The following LINGO2 variants were observed in gnomAD, a reference collection of about 807,000 sequenced individuals.
LINGO2 encodes leucine rich repeat and Ig domain containing 2.
Under a neutral mutation model 30.6 loss-of-function variants are expected in LINGO2, and 14 were observed. The ratio of observed to expected loss-of-function variants is 0.46; its 90% CI spans 0.30 to 0.72. The LOEUF (loss-of-function observed/expected upper bound fraction) is 0.72. Ranked by LOEUF, LINGO2 falls within the 30% of genes least tolerant of loss-of-function variation. The pLI, the probability that LINGO2 is intolerant of heterozygous loss-of-function variation, is 0.07. For missense variants in LINGO2, 729 were observed against 751.7 expected, an observed-to-expected ratio of 0.97 and a Z score of 0.35; for synonymous variants, 317 against 288.5, an observed-to-expected ratio of 1.10 and a Z score of -1.00.
the LINGO2 span, among the ~76,000 whole-genome samples, chr9:28,716,691 A>T: frequency 6.6e-6 from 1 of 152,124 alleles, no homozygotes; most frequent in Admixed American, 6.6e-5. Flanking sequence ...TTTCTGGTAG[A>T]TAAGACAGAA....
At chr9:28,523,907 T>A (rs943698711) in intron 1 of LINGO2, among the ~76,000 whole-genome samples, 1 of 151,796 alleles carries the variant, frequency 6.6e-6, no homozygotes, top group Non-Finnish European at 1.5e-5. Flanking sequence ...TTTTTTTTTT[T>A]AATTCAAAAT....
At chr9:28,861,136 A>G in the LINGO2 span, among the ~76,000 whole-genome samples, 933 of 113,010 alleles carry the variant, frequency 8.3e-3, 7 homozygotes, top group East Asian at 0.038. Context: ...AATTATATAA[A>G]TTTTTATATA....
At position 28,562,457 on chromosome 9, in the gene LINGO2, C is replaced by CAAAAAAA. The variant is rs56998877; in HGVS notation, c.-364-86439_-364-86433dup. The stretch of plus-strand genomic sequence containing the variant: ...GAAATAAGCAATGTGCATTTACTTT[C>CAAAAAAA]AAAAAAAAAAAAAAAAAACAGAAAA... On this transcript the variant is annotated intron_variant, in intron 1 of 5. Transcript: ENST00000379992. Among the ~76,000 whole-genome samples, 733 of 109,064 alleles carry CAAAAAAA rather than the reference C, an allele frequency of 6.7e-3. 24 individuals carry two copies. The highest frequency in any genetic ancestry group is 0.012 in the African/African-American group (326 of 26,998). The allele number at this position is 109,064 out of a possible 152,430, so 71.6% of individuals were successfully genotyped here. A position where few individuals can be genotyped will look rare whatever the true frequency, so the allele number is the denominator to read the frequency against.
At chr9:28,420,294 C>G (rs1354916216) in intron 2 of LINGO2, among the ~76,000 whole-genome samples, 1 of 152,018 alleles carries the variant, frequency 6.6e-6, no homozygotes, top group Non-Finnish European at 1.5e-5. Flanking sequence ...ATTACAAGGT[C>G]AATTTTAGAA....
chr9:28,811,619 A>G, the LINGO2 span, among the ~76,000 whole-genome samples: 2 of 152,126 alleles, frequency 1.3e-5, no homozygotes, highest in Admixed American at 6.5e-5. Context: ...CCTCAACCAA[A>G]CTATACTAAT....
intron 1 of LINGO2, among the ~76,000 whole-genome samples, chr9:28,536,988 G>T (rs73644059): frequency 1.9e-3 from 288 of 152,114 alleles, no homozygotes; most frequent in African/African-American, 6.7e-3. Flanking sequence ...AACAGAATGG[G>T]CCTCTAATTC....
At chr9:27,972,408 G>A (rs1820399376) in intron 5 of LINGO2, among the ~76,000 whole-genome samples, 5 of 152,126 alleles carry the variant, frequency 3.3e-5, no homozygotes, top group Admixed American at 3.3e-4. Flanking sequence ...ATTTAACAAG[G>A]GAGAGTTTCC....
At chr9:28,973,438 CAA>C in the LINGO2 span, among the ~76,000 whole-genome samples, 1 of 152,126 alleles carries the variant, frequency 6.6e-6, no homozygotes, top group African/African-American at 2.4e-5. Context: ...CCCCACATGT[CAA>C]AGACAGGGCC....
the LINGO2 span, among the ~76,000 whole-genome samples, chr9:29,137,649 G>A: frequency 6.6e-6 from 1 of 152,172 alleles, no homozygotes; most frequent in East Asian, 1.9e-4. Flanking sequence ...TAAGGGCATG[G>A]GCTCAAATTT....
At chr9:29,204,931 G>T in the LINGO2 span, among the ~76,000 whole-genome samples, 1 of 152,152 alleles carries the variant, frequency 6.6e-6, no homozygotes, top group East Asian at 1.9e-4. Context: ...TTAGCTCTAG[G>T]TTTACTGCAG....
the LINGO2 span, among the ~76,000 whole-genome samples, chr9:29,034,218 T>C: frequency 6.6e-6 from 1 of 152,074 alleles, no homozygotes; most frequent in Non-Finnish European, 1.5e-5. Flanking sequence ...TTAATAAGTA[T>C]ATATAAACAC....
At chr9:28,069,024 A>G (rs1825395800) in intron 4 of LINGO2, among the ~76,000 whole-genome samples, 1 of 152,144 alleles carries the variant, frequency 6.6e-6, no homozygotes, top group Admixed American at 6.6e-5. Flanking sequence ...ACAAAAAACT[A>G]GAGTACAGAG....
At chr9:28,135,562 T>C (rs1439836909) in intron 4 of LINGO2, among the ~76,000 whole-genome samples, 1 of 152,016 alleles carries the variant, frequency 6.6e-6, no homozygotes, top group African/African-American at 2.4e-5. Flanking sequence ...ATTTTCATTC[T>C]TTTAAACCTT....
At chr9:28,503,661 A>G (rs1323037038) in intron 1 of LINGO2, among the ~76,000 whole-genome samples, 1 of 152,018 alleles carries the variant, frequency 6.6e-6, no homozygotes, top group African/African-American at 2.4e-5. Flanking sequence ...TTTATATAAG[A>G]TAATTAAATG....
At chr9:28,527,379 G>T (rs990732793) in intron 1 of LINGO2, among the ~76,000 whole-genome samples, 1 of 152,184 alleles carries the variant, frequency 6.6e-6, no homozygotes, top group Admixed American at 6.5e-5. Context: ...ACTATTCTTT[G>T]AGATTCAGGG....
chr9:29,133,091 T>C, the LINGO2 span, among the ~76,000 whole-genome samples: 1 of 152,120 alleles, frequency 6.6e-6, no homozygotes, highest in Non-Finnish European at 1.5e-5. Context: ...CTCTAACTTT[T>C]CATCACTCCC....
chr9:28,724,449 C>T, the LINGO2 span, among the ~76,000 whole-genome samples: 1 of 152,148 alleles, frequency 6.6e-6, no homozygotes, highest in Non-Finnish European at 1.5e-5. Context: ...ATTTACCCAA[C>T]TTGAAGTTAT....
At chr9:29,031,847 T>G in the LINGO2 span, among the ~76,000 whole-genome samples, 3 of 152,244 alleles carry the variant, frequency 2.0e-5, no homozygotes, top group South Asian at 6.2e-4. Context: ...TTGGGATACA[T>G]AAAAGAGAGT....
chr9:28,479,911 G>GTA (rs58972403), intron 1 of LINGO2, among the ~76,000 whole-genome samples: 545 of 49,640 alleles, frequency 0.011, 12 homozygotes, highest in Admixed American at 0.016. Context: ...ATATACGTAG[G>GTA]TATATATATA....
Sources: allele counts gnomAD v4.1 joint callset (sites outside exome capture counted in the v4.1 genomes callset), GRCh38; gene constraint gnomAD v4.1.1; transcripts MANE v1.5; gene names NCBI Gene and HGNC (gene_info 2026-07-23, HGNC 2026-07-21).